ASIC2: variants seen among roughly 807,000 people sequenced by gnomAD.
ASIC2 encodes acid-sensing ion channel 2.
In ASIC2, 25 loss-of-function variants were observed where a neutral mutation model predicts 57.3. The observed-to-expected ratio is 0.44, with a 90% CI of 0.32 to 0.61. ASIC2 has a LOEUF of 0.61. Ranked by LOEUF, ASIC2 falls within the 20% of genes least tolerant of loss-of-function variation. The probability of loss-of-function intolerance (pLI) is 0.06; values close to 1 mark genes in which losing one functional copy is unlikely to be tolerated. For missense variants in ASIC2, 641 were observed against 738.1 expected (o/e 0.87, Z 1.52); for synonymous variants, 319 against 307.5 (o/e 1.04, Z -0.39).
chr17:33,602,036 C>A (rs1905126140), intron 1 of ASIC2, among the ~76,000 whole-genome samples: 1 of 152,242 alleles, frequency 6.6e-6, no homozygotes, highest in Non-Finnish European at 1.5e-5. Flanking sequence ...CACAGCTTGT[C>A]TCAAAGCTTC....
At chr17:33,892,925 T>C (rs983259006) in intron 1 of ASIC2, among the ~76,000 whole-genome samples, 1 of 152,156 alleles carries the variant, frequency 6.6e-6, no homozygotes, top group African/African-American at 2.4e-5. Context: ...GGCTCCCTCC[T>C]TGCTCCAAAG....
chr17:33,294,151 T>G (rs1905625396), upstream of ASIC2, among the ~76,000 whole-genome samples: 1 of 152,118 alleles, frequency 6.6e-6, no homozygotes, highest in Non-Finnish European at 1.5e-5. Context: ...AGACTCCATC[T>G]TTCCCATTCC....
intron 1 of ASIC2, among the ~76,000 whole-genome samples, chr17:33,223,522 AT>A (rs1294639950): frequency 2.0e-5 from 3 of 152,186 alleles, no homozygotes; most frequent in Non-Finnish European, 4.4e-5. Flanking sequence ...CAGATTAGTT[AT>A]TTTTAAAGGA....
chr17:33,249,633 C>T lies in ASIC2; in HGVS notation c.708+41775G>A, dbSNP rs964450317. On this transcript the variant is annotated intron_variant, in intron 1 of 9. Coordinates refer to ENST00000225823, the MANE Select transcript of ASIC2 (RefSeq NM_183377.2). ...TATAACATGGCCTTCACGCCAAGAC[C>T]GAAATCTCAGCCAGGGCTGCAGCCC... Among the ~76,000 whole-genome samples the T allele has an allele frequency of 7.2e-5, 11 of 152,258 alleles. No homozygotes were observed. In the South Asian group the frequency reaches 1.5e-3, roughly 20 times the overall value.
chr17:33,726,836 C>G (rs1230323653), intron 1 of ASIC2, among the ~76,000 whole-genome samples: 1 of 152,210 alleles, frequency 6.6e-6, no homozygotes, highest in Non-Finnish European at 1.5e-5. Flanking sequence ...TGACCTCCTT[C>G]TGATCTGATT....
intron 1 of ASIC2, among the ~76,000 whole-genome samples, chr17:33,932,006 A>G (rs534735961): frequency 2.0e-5 from 3 of 152,090 alleles, no homozygotes; most frequent in Admixed American, 2.0e-4. Flanking sequence ...TATCCTCTCT[A>G]CTTCTGGGCT....
In ASIC2 at chr17:33,557,099, G is replaced by C. The variant is rs540769697; in HGVS notation, c.556-445032C>G. 3.4e-4 allele frequency among the ~76,000 whole-genome samples: 52 copies of C among 152,272 alleles called. 2 individuals carry two copies. The South Asian group carries it at 0.011, about 32-fold the overall frequency. On this transcript the variant is annotated intron_variant, in intron 1 of 9. Coordinates refer to the ASIC2 transcript ENST00000359872. ...TCTTAAGTGGAGCAAGCACTATGCT[G>C]ACCACTTTCCAAGAATATTTCTACC...
intron 1 of ASIC2, among the ~76,000 whole-genome samples, chr17:33,887,693 C>T (rs317374): frequency 0.27 from 41,213 of 151,956 alleles, 5,794 homozygotes; most frequent in Middle Eastern, 0.37. Context: ...GAAAAATCAC[C>T]GGGTCAGCAC....
At chr17:33,957,115 G>A (rs549715861) in intron 1 of ASIC2, among the ~76,000 whole-genome samples, 1 of 152,314 alleles carries the variant, frequency 6.6e-6, no homozygotes, top group Admixed American at 6.5e-5. Flanking sequence ...TGACCTCCAG[G>A]AGGGAATTCT....
At chr17:33,104,302 G>A (rs975365169) in intron 2 of ASIC2, among the ~76,000 whole-genome samples, 1 of 152,228 alleles carries the variant, frequency 6.6e-6, no homozygotes, top group African/African-American at 2.4e-5. Context: ...AGCCTAGAAT[G>A]TCAGCTTCCC....
At chr17:33,498,698 G>A (rs186164868) in intron 1 of ASIC2, among the ~76,000 whole-genome samples, 46 of 152,290 alleles carry the variant, frequency 3.0e-4, no homozygotes, top group South Asian at 1.4e-3. Flanking sequence ...GCCTTTCTCC[G>A]GGGCTCACAG....
At chr17:33,478,262 G>C (rs1913293350) in intron 1 of ASIC2, among the ~76,000 whole-genome samples, 2 of 152,352 alleles carry the variant, frequency 1.3e-5, no homozygotes, top group South Asian at 4.1e-4. Context: ...TCCCCTTAGG[G>C]GTAAACTGTT....
At chr17:33,920,978 T>C (rs1266757042) in intron 1 of ASIC2, among the ~76,000 whole-genome samples, 3 of 152,222 alleles carry the variant, frequency 2.0e-5, no homozygotes, top group African/African-American at 4.8e-5. Flanking sequence ...TCATAAAGTT[T>C]ATGGGAGGAT....
At chr17:33,878,413 A>G (rs2141937487) in intron 1 of ASIC2, among the ~76,000 whole-genome samples, 1 of 152,328 alleles carries the variant, frequency 6.6e-6, no homozygotes, top group Admixed American at 6.5e-5. Flanking sequence ...AGTCCTTAAA[A>G]GACCTGATGG....
At chr17:33,208,403 T>G (rs1907150087) in intron 1 of ASIC2, among the ~76,000 whole-genome samples, 1 of 152,176 alleles carries the variant, frequency 6.6e-6, no homozygotes, top group Admixed American at 6.5e-5. Flanking sequence ...CATCCCAGAC[T>G]CGGTGCCGCA....
chr17:34,115,009 A>C (rs1055888295), intron 1 of ASIC2, among the ~76,000 whole-genome samples: 6 of 152,208 alleles, frequency 3.9e-5, no homozygotes, highest in African/African-American at 1.4e-4. Context: ...CTTGGAACAG[A>C]GAAACAACTT....
chr17:33,064,296 T>C (rs923020921), intron 3 of ASIC2, among the ~76,000 whole-genome samples: 5 of 152,248 alleles, frequency 3.3e-5, no homozygotes, highest in Non-Finnish European at 7.3e-5. Context: ...TGGTTTTATC[T>C]ACCTTTGGTG....
chr17:33,639,592 A>C (rs775653763), intron 1 of ASIC2, among the ~76,000 whole-genome samples: 3 of 152,064 alleles, frequency 2.0e-5, no homozygotes, highest in Non-Finnish European at 2.9e-5. Context: ...GTGGGGCAGG[A>C]GCTGTTAATC....
intron 1 of ASIC2, among the ~76,000 whole-genome samples, chr17:33,265,008 T>A (rs890412936): frequency 6.6e-6 from 1 of 152,226 alleles, no homozygotes; most frequent in African/African-American, 2.4e-5. Flanking sequence ...GTGGCCACCT[T>A]CACTGGAGGA....
Sources: allele counts gnomAD v4.1 joint callset (sites outside exome capture counted in the v4.1 genomes callset), GRCh38; gene constraint gnomAD v4.1.1; transcripts MANE v1.5; gene names NCBI Gene and HGNC (gene_info 2026-07-23, HGNC 2026-07-21).